The following ASAP2 variants were observed in gnomAD, a reference collection of about 807,000 sequenced individuals.
ASAP2 encodes the protein arf-GAP with SH3 domain, ANK repeat and PH domain-containing protein 2.
A neutral mutation model predicts 131.4 loss-of-function variants in ASAP2; 45 were observed. That is an observed-to-expected ratio of 0.34 (90% confidence interval 0.27 to 0.44). ASAP2 has a LOEUF of 0.44. Among genes scored for constraint, ASAP2 ranks in the 20% least tolerant of loss-of-function variants. The pLI, the probability that ASAP2 is intolerant of heterozygous loss-of-function variation, is 1.00. For synonymous variants in ASAP2, 510 were observed against 503.0 expected (o/e 1.01, Z -0.19); for missense variants, 1,011 against 1,297.0 (o/e 0.78, Z 3.39).
At position 9,210,683 on chromosome 2, in the gene ASAP2, T is replaced by C. The variant is rs1287183692; in HGVS notation, c.126+3453T>C. The stretch of plus-strand genomic sequence containing the variant: ...CATTCTCCTGCCTCAGCCTCCCGAG[T>C]AGCTGGGACTACAGGTGCCCGCCAC... On this transcript the variant is annotated intron_variant, in intron 1 of 27. Coordinates refer to ENST00000281419, the MANE Select transcript of ASAP2 (RefSeq NM_003887.3). Among the ~76,000 whole-genome samples, 3 of 151,670 alleles carry C rather than the reference T, an allele frequency of 2.0e-5. No individual in the cohort carries two copies. In the East Asian group the frequency reaches 5.9e-4, roughly 30 times the overall value.
chr2:9,374,652 A>T, intron 16 of ASAP2, 103 bp from the exon 17 acceptor site: 1 of 1,156,484 alleles, frequency 8.6e-7, no homozygotes, highest in Non-Finnish European at 1.2e-6. Flanking sequence ...GGTGCTTACC[A>T]GGGACATGGC....
chr2:9,327,360 T>C (rs980142412), intron 6 of ASAP2, among the ~76,000 whole-genome samples: 2 of 152,238 alleles, frequency 1.3e-5, no homozygotes, highest in Non-Finnish European at 2.9e-5. Flanking sequence ...AATTAAACTT[T>C]GTTTTTTTCC....
intron 15 of ASAP2, among the ~76,000 whole-genome samples, chr2:9,364,012 C>T (rs1456188082): frequency 6.6e-6 from 1 of 152,170 alleles, no homozygotes; most frequent in African/African-American, 2.4e-5. Context: ...TTGGGAAAAA[C>T]TTTCTGGTAA....
chr2:9,335,023 G>A (rs1671107893), intron 8 of ASAP2, 70 bp from the exon 9 acceptor site: 3 of 1,503,666 alleles, frequency 2.0e-6, no homozygotes, highest in South Asian at 1.1e-5. Context: ...GGCCCCATGA[G>A]CACCAACGTT....
At position 9,391,036 on chromosome 2, in the gene ASAP2, G is replaced by A. The variant is rs552672398; in HGVS notation, c.2384-26G>A. 7.2e-5 allele frequency: 116 copies of A among 1,614,116 alleles called. No individual in the cohort carries two copies. In the Admixed American group the frequency reaches 1.2e-3, roughly 17 times the overall value. ...TGCACGTGTATGTGTGCGTGCATGC[G>A]TCTGTGTGCATGCGTGTGGGTTCAG... On this transcript the variant is annotated intron_variant, in intron 22 of 27. Transcript: ENST00000281419.
chr2:9,219,419 A>C (rs184133747), intron 1 of ASAP2, among the ~76,000 whole-genome samples: 1 of 152,304 alleles, frequency 6.6e-6, no homozygotes, highest in African/African-American at 2.4e-5. Flanking sequence ...TCTGGTCTGT[A>C]ACATGAGAGA....
intron 2 of ASAP2, among the ~76,000 whole-genome samples, chr2:9,282,141 G>C (rs1053489015): frequency 2.0e-5 from 3 of 152,172 alleles, no homozygotes; most frequent in Non-Finnish European, 4.4e-5. Flanking sequence ...GTAGCTCCTT[G>C]GGCTCATGTC....
chr2:9,390,496 T>C (rs1675633259), intron 22 of ASAP2, among the ~76,000 whole-genome samples: 6 of 152,212 alleles, frequency 3.9e-5, no homozygotes, highest in Admixed American at 3.3e-4. Flanking sequence ...GAAAATGCCA[T>C]CTCTTGTGGG....
chr2:9,213,366 G>T lies in ASAP2; in HGVS notation c.126+6136G>T, dbSNP rs535698373. The stretch of plus-strand genomic sequence containing the variant: ...AGAAGGATGAGAGACGGGCAGAGGG[G>T]TGGGCAGTGCCAGGTCACAGAGGGC... On this transcript the variant is annotated intron_variant, in intron 1 of 27. Coordinates refer to ENST00000281419, the MANE Select transcript of ASAP2 (RefSeq NM_003887.3). 2.5e-3 allele frequency among the ~76,000 whole-genome samples: 377 copies of T among 152,324 alleles called. 3 individuals carry two copies. Among genetic ancestry groups the T allele is most frequent in the African/African-American group, 8.5e-3 (354 of 41,572 alleles).
chr2:9,334,661 A>G, intron 7 of ASAP2, 77 bp from the exon 8 acceptor site: 1 of 1,356,948 alleles, frequency 7.4e-7, no homozygotes, highest in Non-Finnish European at 1.0e-6. Context: ...GTCACTTTAA[A>G]GAAGTTTTTA....
intron 1 of ASAP2, among the ~76,000 whole-genome samples, chr2:9,255,949 G>C (rs1665128185): frequency 1.3e-5 from 2 of 152,032 alleles, no homozygotes; most frequent in South Asian, 4.1e-4. Flanking sequence ...CTTAAGAACT[G>C]GGGTTTATAA....
chr2:9,364,982 CT>C (rs35630429), intron 15 of ASAP2, among the ~76,000 whole-genome samples: 3 of 151,296 alleles, frequency 2.0e-5, no homozygotes, highest in South Asian at 2.1e-4. Flanking sequence ...GTGTTTTAGC[CT>C]TTTTTTTTAA....
chr2:9,339,516 A>C (rs1455900972), intron 9 of ASAP2, among the ~76,000 whole-genome samples: 1 of 151,700 alleles, frequency 6.6e-6, no homozygotes, highest in African/African-American at 2.4e-5. Context: ...TTTATTAATA[A>C]TCTTAATAAA....
At chr2:9,250,492 T>C (rs1368395868) in intron 1 of ASAP2, among the ~76,000 whole-genome samples, 1 of 152,154 alleles carries the variant, frequency 6.6e-6, no homozygotes, top group African/African-American at 2.4e-5. Flanking sequence ...AGATCTTTAA[T>C]CACTTAAGCC....
chr2:9,304,035 T>C (rs1186530831), intron 3 of ASAP2, among the ~76,000 whole-genome samples: 1 of 152,152 alleles, frequency 6.6e-6, no homozygotes, highest in East Asian at 1.9e-4. Flanking sequence ...TTAGAAGACA[T>C]GTGCCGGGAC....
In ASAP2 at chr2:9,283,810, G is replaced by A. The variant is rs142791085; in HGVS notation, c.199+4421G>A. Among the ~76,000 whole-genome samples, 77 of 152,252 alleles carry A rather than the reference G, an allele frequency of 5.1e-4. No homozygotes were observed. The East Asian group carries it at 9.3e-3, about 18-fold the overall frequency. ...TCTCCCTGTACCCTCACATGGCAGC[G>A]AGAGAAAGCAAGATGTCCACTTTCT... On this transcript the variant is annotated intron_variant, in intron 2 of 27. Transcript: ENST00000281419.
intron 1 of ASAP2, among the ~76,000 whole-genome samples, chr2:9,265,916 G>A (rs2148226058): frequency 6.6e-6 from 1 of 152,258 alleles, no homozygotes; most frequent in South Asian, 2.1e-4. Context: ...GGGATTACAG[G>A]CGCGTGCCAC....
At chr2:9,231,594 G>A (rs1020968777) in intron 1 of ASAP2, among the ~76,000 whole-genome samples, 42 of 152,132 alleles carry the variant, frequency 2.8e-4, no homozygotes, top group African/African-American at 9.4e-4. Context: ...CCTAGCCTGC[G>A]CCTGCCTGTT....
At chr2:9,219,605 G>C (rs1662281088) in intron 1 of ASAP2, among the ~76,000 whole-genome samples, 1 of 152,144 alleles carries the variant, frequency 6.6e-6, no homozygotes, top group Non-Finnish European at 1.5e-5. Flanking sequence ...ATATCTTCAA[G>C]TTGAATTATT....
Sources: gnomAD v4.1 joint callset for allele counts (sites outside exome capture counted in the v4.1 genomes callset) on GRCh38, gnomAD v4.1.1 for gene constraint, MANE v1.5 for transcripts, NCBI Gene and HGNC (gene_info 2026-07-23, HGNC 2026-07-21) for gene names.